The following GSE1 variants were observed in gnomAD, a reference collection of about 807,000 sequenced individuals.
GSE1 encodes genetic suppressor element 1.
In GSE1, 32 loss-of-function variants were observed where a neutral mutation model predicts 112.6. The ratio of observed to expected loss-of-function variants is 0.28; its 90% CI spans 0.21 to 0.38. The LOEUF (loss-of-function observed/expected upper bound fraction) is 0.38, where lower values mean the gene tolerates loss of function less well. Among genes scored for constraint, GSE1 ranks in the 10% least tolerant of loss-of-function variants. The pLI is 1.00. For synonymous variants in GSE1, 1,115 were observed against 735.6 expected, an observed-to-expected ratio of 1.52 and a Z score of -8.35; for missense variants, 2,348 against 1,699.2, an observed-to-expected ratio of 1.38 and a Z score of -6.71.
At chr16:85,643,207 C>T (rs527249622) in intron 2 of GSE1, among the ~76,000 whole-genome samples, 86 of 152,364 alleles carry the variant, frequency 5.6e-4, no homozygotes, top group African/African-American at 2.0e-3. Context: ...TGCCTCTTGT[C>T]ATCTCCAATC....
intron 2 of GSE1, among the ~76,000 whole-genome samples, chr16:85,467,270 C>T (rs2050150800): frequency 6.6e-6 from 1 of 152,210 alleles, no homozygotes; most frequent in African/African-American, 2.4e-5. Context: ...GGGTTGTGCG[C>T]AAGACACTTG....
intron 1 of GSE1, among the ~76,000 whole-genome samples, chr16:85,240,745 TGAG>T (rs1383873550): frequency 6.6e-6 from 1 of 152,332 alleles, no homozygotes; most frequent in African/African-American, 2.4e-5. Flanking sequence ...GAGTGACAGT[TGAG>T]GGTGTCAGAA....
chr16:85,299,396 C>T (rs1000102882), intron 1 of GSE1, among the ~76,000 whole-genome samples: 3 of 152,210 alleles, frequency 2.0e-5, no homozygotes, highest in Non-Finnish European at 4.4e-5. Flanking sequence ...TCTCTATATC[C>T]TCTCCAACCC....
intron 2 of GSE1, among the ~76,000 whole-genome samples, chr16:85,472,901 C>A (rs144634661): frequency 1.3e-5 from 2 of 152,200 alleles, no homozygotes; most frequent in African/African-American, 4.8e-5. Flanking sequence ...GCAGACCCTG[C>A]CATGCCATGG....
At chr16:85,277,780 G>A (rs559720648) in intron 1 of GSE1, among the ~76,000 whole-genome samples, 11 of 152,300 alleles carry the variant, frequency 7.2e-5, no homozygotes, top group East Asian at 5.8e-4. Flanking sequence ...CCCTGCCTTC[G>A]AGCTGTGTCT....
chr16:85,645,112 C>G lies in GSE1; in HGVS notation c.227-3440C>G, dbSNP rs79115069. On this transcript the variant is annotated intron_variant, in intron 2 of 15. Coordinates refer to ENST00000253458, the MANE Select transcript of GSE1 (RefSeq NM_014615.5). ...AGGTGGATCTAGTAGCCCGCCGGCA[C>G]AGTGCCCAGTCCCAGGTGTTGGCCC... Among the ~76,000 whole-genome samples the G allele has an allele frequency of 2.5e-3, 374 of 151,316 alleles. 3 individuals are homozygous for G. Among genetic ancestry groups the G allele is most frequent in the African/African-American group, 8.8e-3 (363 of 41,158 alleles).
intron 2 of GSE1, among the ~76,000 whole-genome samples, chr16:85,499,501 G>A (rs924690850): frequency 2.0e-5 from 3 of 151,634 alleles, no homozygotes; most frequent in African/African-American, 4.8e-5. Flanking sequence ...TAGTAGAGAC[G>A]GGATTTCACC....
rs75095372 is a variant in GSE1, at chr16:85,411,115, C to A, written c.2464+53472C>A. On this transcript the variant is annotated intron_variant, in intron 2 of 2. Coordinates refer to the GSE1 transcript ENST00000637419. ...AATCCTCACTGTTACACTCAGGCCC[C>A]CCGGATAATCCTCACCGTTACACTC... Among the ~76,000 whole-genome samples the A allele has an allele frequency of 3.0e-4, 38 of 126,940 alleles. 1 individual carries two copies. Among genetic ancestry groups the A allele is most frequent in the African/African-American group, 1.4e-3 (36 of 26,156 alleles). The allele number at this position is 126,940 out of a possible 152,430, so 83.3% of individuals were successfully genotyped here. A position where few individuals can be genotyped will look rare whatever the true frequency, so the allele number is the denominator to read the frequency against.
intron 1 of GSE1, among the ~76,000 whole-genome samples, chr16:85,335,478 G>A (rs1178948299): frequency 6.6e-6 from 1 of 150,800 alleles, no homozygotes; most frequent in Non-Finnish European, 1.5e-5. Context: ...CGTGCTGTGC[G>A]GGCTGGCAGG....
intron 1 of GSE1, chr16:85,286,002 C>G (rs1327851300): frequency 3.3e-5 from 5 of 152,368 alleles, no homozygotes. Flanking sequence ...GGGCGGTCCC[C>G]CAGAAAAGAT....
rs115958325 is a variant in GSE1, at chr16:85,668,047, C to T, written c.3131-93C>T. 1.0e-3 allele frequency: 979 copies of T among 968,852 alleles called. 10 individuals carry two copies. In the African/African-American group the frequency reaches 0.013, roughly 13 times the overall value. The allele number at this position is 968,852 out of a possible 1,614,324, so 60.0% of individuals were successfully genotyped here. A position where few individuals can be genotyped will look rare whatever the true frequency, so the allele number is the denominator to read the frequency against. ...CCCCGGAGCCCTGCAGTCATGTTGA[C>T]TCTGCACCAAGGGCAGAGCAGAGCT... On this transcript the variant is annotated intron_variant, in intron 13 of 15. Transcript: ENST00000253458.
chr16:85,655,102 G>T, intron 5 of GSE1, 111 bp downstream of exon 5: 1 of 756,324 alleles, frequency 1.3e-6, no homozygotes, highest in Non-Finnish European at 2.3e-6. Context: ...TCCTAGGGGA[G>T]GGTCTAGAGT....
At chr16:85,580,567 T>G (rs2046406669) in intron 1 of GSE1, among the ~76,000 whole-genome samples, 1 of 152,212 alleles carries the variant, frequency 6.6e-6, no homozygotes, top group Admixed American at 6.5e-5. Flanking sequence ...CACCGCAGCC[T>G]CCTGTTGGGT....
rs539804353 is a variant in GSE1, at chr16:85,352,014, A to C, written c.2284-5449A>C. Among the ~76,000 whole-genome samples the C allele has an allele frequency of 5.4e-3, 796 of 146,778 alleles. 6 individuals are homozygous for C. Among genetic ancestry groups the C allele is most frequent in the African/African-American group, 0.019 (760 of 39,440 alleles). ...CAAAACAAAAACAAACAAAAAAAAA[A>C]CCCAAATAGACTGGGGATCCCAGAC... On this transcript the variant is annotated intron_variant, in intron 1 of 2. Coordinates refer to the GSE1 transcript ENST00000637419.
chr16:85,293,090 C>T (rs572755507), intron 1 of GSE1, among the ~76,000 whole-genome samples: 34 of 152,132 alleles, frequency 2.2e-4, no homozygotes, highest in Non-Finnish European at 4.4e-4. Flanking sequence ...AGTGTTCCAC[C>T]GATCCCCCAT....
chr16:85,327,044 C>G (rs933536558), intron 1 of GSE1, among the ~76,000 whole-genome samples: 2 of 152,214 alleles, frequency 1.3e-5, no homozygotes, highest in African/African-American at 4.8e-5. Context: ...CATCTACTTC[C>G]AAGACAGTGC....
In GSE1 at chr16:85,654,521, G is replaced by A. The variant is rs1187643222; in HGVS notation, c.599+71G>A. On this transcript the variant is annotated intron_variant, in intron 4 of 15. Coordinates refer to ENST00000253458, the MANE Select transcript of GSE1 (RefSeq NM_014615.5). Reference sequence around the variant, plus strand: ...ACAGTGCTCAGGGTCTGGGTCCCCAGGCAGCCTGCGGTCTGCACAGATGAG... The same window carrying A: ...ACAGTGCTCAGGGTCTGGGTCCCCAAGCAGCCTGCGGTCTGCACAGATGAG... The A allele has an allele frequency of 2.3e-5, 30 of 1,325,258 alleles. 1 individual carries two copies. In the South Asian group the frequency reaches 3.8e-4, roughly 17 times the overall value. 82.1% of individuals were successfully genotyped at this position (1,325,258 alleles called of 1,614,324 possible).
In GSE1 at chr16:85,171,690, C is replaced by T. The variant is rs776209609; in HGVS notation, c.2166C>T (p.Asp722=). The change falls in exon 1 of 3, where the codon GAC becomes GAT. Residue 722 remains aspartate, a synonymous_variant. Transcript: ENST00000637419. ...CAAGCCACAGCCTGTTGGTGGATGACGGACAGCAGCTGATCATCGGTGCTT... is the reference window on the plus strand; with the variant it reads ...CAAGCCACAGCCTGTTGGTGGATGATGGACAGCAGCTGATCATCGGTGCTT... 4.7e-5 allele frequency: 46 copies of T among 985,470 alleles called. 2 individuals carry two copies. The highest frequency in any genetic ancestry group is 3.8e-4 in the South Asian group (8 of 21,284). The allele number at this position is 985,470 out of a possible 1,614,324, so 61.0% of individuals were successfully genotyped here.
rs61751198 is a variant in GSE1, at chr16:85,663,029, A to T, written c.2309A>T (p.Glu770Val). 8,819 of 1,612,898 alleles carry T rather than the reference A, an allele frequency of 5.5e-3. 49 individuals carry two copies. Among genetic ancestry groups the T allele is most frequent in the Non-Finnish European group, 6.8e-3 (7,964 of 1,179,422 alleles). ...TCTTACGACGAGAGCGATGAGGAGG[A>T]GGTCAGGGCCCACCTCCGTTGCGTG... ...DDSYDESDEE[E>V]VRAHLRCVAE... Residue 770 changes from glutamate (E) to valine (V), a missense_variant, in exon 10 of 16, where the codon GAG becomes GTG. Glu to Val is a moderately radical substitution (Grantham distance 121). Transcript: ENST00000253458.
Sources: allele counts gnomAD v4.1 joint callset (sites outside exome capture counted in the v4.1 genomes callset), GRCh38; gene constraint gnomAD v4.1.1; transcripts MANE v1.5; gene names NCBI Gene and HGNC (gene_info 2026-07-23, HGNC 2026-07-21).